CCDC61: variants seen among roughly 807,000 people sequenced by gnomAD.
CCDC61 encodes coiled-coil domain containing 61, also known as centrosomal protein CCDC61.
A neutral mutation model predicts 63.0 loss-of-function variants in CCDC61; 55 were observed. The ratio of observed to expected loss-of-function variants is 0.87; its 90% CI spans 0.70 to 1.09. The LOEUF (loss-of-function observed/expected upper bound fraction) is 1.09. CCDC61 is among the 50% of genes least tolerant of loss of function. The pLI is 0.00. For synonymous variants in CCDC61, 270 were observed against 317.0 expected, an observed-to-expected ratio of 0.85 and a Z score of 1.58; for missense variants, 651 against 731.4, an observed-to-expected ratio of 0.89 and a Z score of 1.27.
chr19:46,014,924 A>G, intron 5 of CCDC61, 125 bp from the exon 6 acceptor site: 1 of 751,712 alleles, frequency 1.3e-6, no homozygotes, highest in Non-Finnish European at 2.0e-6. Context: ...CCATGGGGTC[A>G]GTTGAGACTG....
intron 1 of CCDC61, 47 bp from the exon 2 acceptor site, chr19:46,002,961 C>T: frequency 1.3e-6 from 2 of 1,543,824 alleles, no homozygotes; most frequent in Non-Finnish European, 1.8e-6. Context: ...AACTCATGAG[C>T]CTGGGCTCTG....
chr19:46,015,922 G>T lies in CCDC61; in HGVS notation c.846-132G>T, dbSNP rs1968923185. 2 of 733,778 alleles carry T rather than the reference G, an allele frequency of 2.7e-6. No homozygotes were observed. The highest frequency in any genetic ancestry group is 3.7e-6 in the Non-Finnish European group (2 of 534,532). The allele number at this position is 733,778 out of a possible 1,614,324, so 45.5% of individuals were successfully genotyped here. On this transcript the variant is annotated intron_variant, in intron 7 of 13. Transcript: ENST00000595358. The surrounding 1 kb of genome is among the most constrained non-coding windows in gnomAD (Gnocchi z 5.3). Reference sequence around the variant, plus strand: ...GGGGGGAAGATATCGAGAGGGTCATGGGCCCAGGAGTGCACGTCTAGGAGT... The same window carrying T: ...GGGGGGAAGATATCGAGAGGGTCATTGGCCCAGGAGTGCACGTCTAGGAGT...
At chr19:46,006,781 C>A in intron 4 of CCDC61, 65 bp downstream of exon 4, 1 of 1,436,328 alleles carries the variant, frequency 7.0e-7, no homozygotes, top group Non-Finnish European at 9.5e-7. Context: ...TGTGGGTAGG[C>A]CTTAGGAACC....
Position 46,008,262 on chromosome 19 carries a change from G to C in CCDC61, c.512G>C (p.Arg171Pro). 2.5e-6 allele frequency: 4 copies of C among 1,612,718 alleles called. No homozygotes were observed. The highest frequency in any genetic ancestry group is 1.1e-5 in the South Asian group (1 of 90,682). ...CAAGGGCTGGATGGCCAGAACACTCGGGACACCCGGGAGAATGAGATCTGG... is the reference window on the plus strand; with the variant it reads ...CAAGGGCTGGATGGCCAGAACACTCCGGACACCCGGGAGAATGAGATCTGG... Reference protein sequence around the residue: ...RLQGLDGQNTRDTRENEIWHL... With the variant: ...RLQGLDGQNTPDTRENEIWHL... The change falls in exon 5 of 14, where the codon CGG becomes CCG. Residue 171 changes from arginine (R) to proline (P), a missense_variant. Arg to Pro is a moderately radical substitution (Grantham distance 103). Coordinates refer to ENST00000595358, the MANE Select transcript of CCDC61 (RefSeq NM_001267723.2).
rs187992756 is a variant in CCDC61, at chr19:45,997,032, C to T, written c.-12+1528C>T. Among the ~76,000 whole-genome samples, 719 of 152,298 alleles carry T rather than the reference C, an allele frequency of 4.7e-3. 6 individuals carry two copies. The highest frequency in any genetic ancestry group is 0.016 in the African/African-American group (683 of 41,566). On this transcript the variant is annotated intron_variant, in intron 1 of 13. Transcript: ENST00000595358. ...CCCAACCTATTGGGTTCCTCCTCCT[C>T]CCTCCCCTCAACTCCCATCACTTCT...
rs1969000968 is a variant in CCDC61 at position 46,018,544 on chromosome 19, C to T, written c.*157C>T. 1 of 604,392 alleles carries T rather than the reference C, an allele frequency of 1.7e-6. No homozygotes were observed. Among genetic ancestry groups the T allele is most frequent in the Admixed American group, 3.0e-5 (1 of 33,276 alleles). The allele number at this position is 604,392 out of a possible 1,614,324, so 37.4% of individuals were successfully genotyped here. On this transcript the variant is annotated 3_prime_UTR_variant, in exon 14 of 14. Transcript: ENST00000595358. The surrounding 1 kb of genome is among the most constrained non-coding windows in gnomAD (Gnocchi z 4.2). Reference sequence around the variant, plus strand: ...TCAGGTGTGTGAGGCCCTGACCCTGCCCTCTCCCCAGGCAGTGCATGCTGG... The same window carrying T: ...TCAGGTGTGTGAGGCCCTGACCCTGTCCTCTCCCCAGGCAGTGCATGCTGG...
In CCDC61 at chr19:46,018,241, T is replaced by G. The variant is rs1199986866; in HGVS notation, c.1442-49T>G. On this transcript the variant is annotated intron_variant, in intron 13 of 13. Transcript: ENST00000595358. The surrounding 1 kb of genome is among the most constrained non-coding windows in gnomAD (Gnocchi z 4.2). Reference sequence around the variant, plus strand: ...TGGTATATTGGGCCCAGGAACTCCCTGGGGCTTCAGGCCCCTCACAGCCCC... The same window carrying G: ...TGGTATATTGGGCCCAGGAACTCCCGGGGGCTTCAGGCCCCTCACAGCCCC... The G allele has an allele frequency of 6.5e-7, 1 of 1,544,978 alleles. No homozygotes were observed. The highest frequency in any genetic ancestry group is 2.4e-5 in the East Asian group (1 of 41,076).
chr19:46,005,702 CTT>C (rs1968693996), intron 3 of CCDC61, among the ~76,000 whole-genome samples: 1 of 151,584 alleles, frequency 6.6e-6, no homozygotes, highest in African/African-American at 2.4e-5. Context: ...AGCTGTTTTT[CTT>C]GAAGTGACAG....
intron 1 of CCDC61, chr19:45,996,540 A>G: frequency 6.6e-6 from 1 of 150,712 alleles, no homozygotes; most frequent in Non-Finnish European, 1.5e-5. Flanking sequence ...AGGGAATTAC[A>G]GGCGCCCGCC....
At chr19:45,996,421 T>C (rs926765369) in intron 1 of CCDC61, 7 of 136,658 alleles carry the variant, frequency 5.1e-5, no homozygotes, top group African/African-American at 1.3e-4. Flanking sequence ...TCAAGAAGCT[T>C]GGAGTGTTCT....
intron 5 of CCDC61, among the ~76,000 whole-genome samples, chr19:46,010,186 C>T (rs1255311854): frequency 6.6e-6 from 1 of 152,222 alleles, no homozygotes; most frequent in Non-Finnish European, 1.5e-5. Flanking sequence ...TTCTTATTAT[C>T]GTCCCTCTTC....
rs1968924951 is a variant in CCDC61, at chr19:46,016,043, T to G, written c.846-11T>G. The G allele has an allele frequency of 8.1e-7, 1 of 1,235,452 alleles. No homozygotes were observed. The highest frequency in any genetic ancestry group is 1.6e-5 in the African/African-American group (1 of 64,302). The allele number at this position is 1,235,452 out of a possible 1,614,324, so 76.5% of individuals were successfully genotyped here. ...CGGGCGGGAAGCTGACAGCTGCCTC[T>G]GTGGTCTCAGGAGGCGGACTCCGCC... On this transcript the variant is annotated splice_polypyrimidine_tract_variant and intron_variant, in intron 7 of 13. Transcript: ENST00000595358. This position sits in a 1 kb window ranked among gnomAD's most constrained non-coding sequence, Gnocchi z 7.2.
In CCDC61 at chr19:46,015,951, T is replaced by C. The variant is rs1968923713; in HGVS notation, c.846-103T>C. The C allele has an allele frequency of 2.0e-6, 2 of 1,011,190 alleles. No homozygotes were observed. The highest frequency in any genetic ancestry group is 2.5e-6 in the Non-Finnish European group (2 of 793,626). The allele number at this position is 1,011,190 out of a possible 1,614,324, so 62.6% of individuals were successfully genotyped here. ...CCAGGAGTGCACGTCTAGGAGTTGA[T>C]GGGGTAGGCCTGAGGGTTCGGAGAA... is the stretch of plus-strand genomic sequence containing the variant. On this transcript the variant is annotated intron_variant, in intron 7 of 13. Transcript: ENST00000595358. This position sits in a 1 kb window ranked among gnomAD's most constrained non-coding sequence, Gnocchi z 5.3.
intron 5 of CCDC61, among the ~76,000 whole-genome samples, chr19:46,012,162 G>A (rs942495133): frequency 4.7e-4 from 71 of 152,170 alleles, no homozygotes; most frequent in African/African-American, 1.6e-3. Flanking sequence ...GGCAGGCCCT[G>A]ACTCCTCCAG....
intron 1 of CCDC61, among the ~76,000 whole-genome samples, chr19:46,000,759 GT>G (rs1386888296): frequency 1.3e-5 from 2 of 151,924 alleles, no homozygotes; most frequent in African/African-American, 4.8e-5. Flanking sequence ...AGGTGTAAGT[GT>G]GCAAGGGGAA....
chr19:45,998,012 A>G (rs1287347799), intron 1 of CCDC61, among the ~76,000 whole-genome samples: 7 of 152,168 alleles, frequency 4.6e-5, no homozygotes, highest in Admixed American at 3.9e-4. Flanking sequence ...GTTGGTTTAT[A>G]TCCACTGGGC....
rs1453350675 is a variant in CCDC61, at chr19:46,008,136, T to C, written c.390-4T>C. 1 of 1,604,994 alleles carries C rather than the reference T, an allele frequency of 6.2e-7. No homozygotes were observed. The highest frequency in any genetic ancestry group is 8.5e-7 in the Non-Finnish European group (1 of 1,175,874). On this transcript the variant is annotated splice_polypyrimidine_tract_variant and splice_region_variant and intron_variant, in intron 4 of 13. Transcript: ENST00000595358. ...ATGCCACGGTTTTAATCCTCCCTCC[T>C]CAGGATTCACTACCCGCTGCCCCTC... is the stretch of plus-strand genomic sequence containing the variant.
chr19:46,001,205 C>A (rs888195357), intron 1 of CCDC61, among the ~76,000 whole-genome samples: 1 of 152,048 alleles, frequency 6.6e-6, no homozygotes, highest in African/African-American at 2.4e-5. Context: ...TTGTTTGCAG[C>A]AAGATCGAGA....
At chr19:45,997,363 C>G (rs1968512390) in intron 1 of CCDC61, among the ~76,000 whole-genome samples, 1 of 152,150 alleles carries the variant, frequency 6.6e-6, no homozygotes, top group African/African-American at 2.4e-5. Context: ...CTTTATTTTT[C>G]TTCATAACAC....
Sources: allele counts gnomAD v4.1 joint callset (sites outside exome capture counted in the v4.1 genomes callset), GRCh38; gene constraint gnomAD v4.1.1; non-coding constraint Gnocchi (gnomAD v3.1); transcripts MANE v1.5; gene names NCBI Gene and HGNC (gene_info 2026-07-23, HGNC 2026-07-21).